The following FBXO22 variants were observed in gnomAD, a reference collection of about 807,000 sequenced individuals.
FBXO22 encodes the protein F-box only protein 22.
FBXO22 carries 13 observed loss-of-function variants against 37.2 expected under a neutral mutation model. That is an observed-to-expected ratio of 0.35 (90% CI 0.23 to 0.56). The LOEUF (loss-of-function observed/expected upper bound fraction) is 0.56, where lower values mean the gene tolerates loss of function less well. Ranked by LOEUF, FBXO22 falls within the 20% of genes least tolerant of loss-of-function variation. FBXO22 has a pLI of 0.87. For missense variants in FBXO22, 446 were observed against 509.9 expected (o/e 0.87, Z 1.21); for synonymous variants, 189 against 189.1 (o/e 1.00, Z 0.00).
intron 5 of FBXO22, among the ~76,000 whole-genome samples, chr15:75,919,889 G>A (rs1048200004): frequency 2.0e-5 from 3 of 152,186 alleles, no homozygotes; most frequent in Non-Finnish European, 2.9e-5. Context: ...ACTGTGCTGC[G>A]CAGCACTTCT....
intron 5 of FBXO22, among the ~76,000 whole-genome samples, chr15:75,921,703 G>C (rs1310871475): frequency 6.6e-6 from 1 of 151,946 alleles, no homozygotes. Context: ...ATTAACTTTA[G>C]CTAGACAAAA....
At chr15:75,920,857 T>C (rs928412650) in intron 5 of FBXO22, among the ~76,000 whole-genome samples, 4 of 152,102 alleles carry the variant, frequency 2.6e-5, no homozygotes, top group Non-Finnish European at 5.9e-5. Context: ...TTATTCAGCA[T>C]GTTAAAGGTG....
At chr15:75,915,784 C>T (rs1035658782) in intron 4 of FBXO22, among the ~76,000 whole-genome samples, 4 of 151,802 alleles carry the variant, frequency 2.6e-5, no homozygotes, top group African/African-American at 9.7e-5. Context: ...CCTGTAATCC[C>T]AGCTGCTCAG....
At chr15:75,921,641 AC>A (rs59291761) in intron 5 of FBXO22, among the ~76,000 whole-genome samples, 137,223 of 152,124 alleles carry the variant, frequency 0.9, 63,014 homozygotes, top group East Asian at 1. Flanking sequence ...AGCCTGGGCG[AC>A]AGCGAGACTC....
chr15:75,919,530 G>A (rs779321020), intron 5 of FBXO22, among the ~76,000 whole-genome samples: 10 of 152,150 alleles, frequency 6.6e-5, no homozygotes, highest in Non-Finnish European at 1.2e-4. Flanking sequence ...TCCAGTTAGG[G>A]CAAGTTTTTC....
In FBXO22 at chr15:75,935,854, C is replaced by T. The variant is rs2030287430; in HGVS notation, c.*2752C>T. 6.6e-6 allele frequency: 1 copy of T among 152,058 alleles called. No homozygotes were observed. The allele number at this position is 152,058 out of a possible 1,614,324, so 9.4% of individuals were successfully genotyped here. On this transcript the variant is annotated 3_prime_UTR_variant, in exon 7 of 7. Transcript: ENST00000308275. The stretch of plus-strand genomic sequence containing the variant: ...CCAGGCCGGATTGCAATGGCACAAT[C>T]TTGGCTCACTGCAAGCTCCGCCTCC...
At position 75,903,883 on chromosome 15, in the gene FBXO22, G is replaced by A. The variant is rs992141252; in HGVS notation, c.-81G>A. The stretch of plus-strand genomic sequence containing the variant: ...AGTGGCGCGGACGCCTGCTCAGTGC[G>A]CGCCGGCCGGGCAACCCTATGCTGG... On this transcript the variant is annotated 5_prime_UTR_variant, in exon 1 of 7. Coordinates refer to ENST00000308275, the MANE Select transcript of FBXO22 (RefSeq NM_147188.3). 2.2e-6 allele frequency: 3 copies of A among 1,391,926 alleles called. No individual in the cohort carries two copies. The highest frequency in any genetic ancestry group is 3.0e-5 in the African/African-American group (2 of 67,634). 86.2% of individuals were successfully genotyped at this position (1,391,926 alleles called of 1,614,324 possible).
At position 75,938,568 on chromosome 15, in the gene FBXO22, A is replaced by T. The variant is rs1393842908; in HGVS notation, c.*5466A>T. 1 of 152,242 alleles carries T rather than the reference A, an allele frequency of 6.6e-6. No individual in the cohort carries two copies. Among genetic ancestry groups the T allele is most frequent in the African/African-American group, 2.4e-5 (1 of 41,474 alleles). 9.4% of individuals were successfully genotyped at this position (152,242 alleles called of 1,614,324 possible). The stretch of plus-strand genomic sequence containing the variant: ...AGGAAAATGATAAATGAACAAAATC[A>T]GAATATCAACAGATAGGCATTATAA... On this transcript the variant is annotated 3_prime_UTR_variant, in exon 7 of 7. Coordinates refer to ENST00000308275, the MANE Select transcript of FBXO22 (RefSeq NM_147188.3).
At chr15:75,918,579 C>G (rs1396164963) in intron 5 of FBXO22, among the ~76,000 whole-genome samples, 1 of 152,130 alleles carries the variant, frequency 6.6e-6, no homozygotes, top group Non-Finnish European at 1.5e-5. Context: ...GCACTGTTCA[C>G]AATAGCTAGG....
intron 2 of FBXO22, among the ~76,000 whole-genome samples, chr15:75,909,313 T>C (rs1173580523): frequency 6.6e-6 from 1 of 152,164 alleles, no homozygotes; most frequent in Admixed American, 6.6e-5. Flanking sequence ...AAGGTGTCTC[T>C]AGAGGGAAAC....
At chr15:75,925,890 T>A (rs1900429469) in intron 5 of FBXO22, among the ~76,000 whole-genome samples, 1 of 152,058 alleles carries the variant, frequency 6.6e-6, no homozygotes, top group South Asian at 2.1e-4. Context: ...TTGCTAAATT[T>A]ACCTAACAAG....
intron 5 of FBXO22, among the ~76,000 whole-genome samples, chr15:75,921,524 A>G (rs924559767): frequency 2.0e-5 from 3 of 152,046 alleles, no homozygotes; most frequent in East Asian, 3.9e-4. Context: ...TTAGCTGGGC[A>G]TAGTGGTGTG....
Position 75,908,667 on chromosome 15 carries a change from C to A in FBXO22, c.279+4038C>A, listed in dbSNP as rs148094403. The stretch of plus-strand genomic sequence containing the variant: ...CAGGTAGCTGAAGAGGGTCAGGTAG[C>A]TCAATAGTCGTAGCACCATGGCAGT... On this transcript the variant is annotated intron_variant, in intron 2 of 6. Coordinates refer to ENST00000308275, the MANE Select transcript of FBXO22 (RefSeq NM_147188.3). Among the ~76,000 whole-genome samples the A allele has an allele frequency of 4.0e-3, 605 of 152,166 alleles. 9 individuals carry two copies. The highest frequency in any genetic ancestry group is 0.014 in the African/African-American group (572 of 41,440).
In FBXO22 at chr15:75,934,935, CAA is replaced by C. The variant is rs2030216822; in HGVS notation, c.*1835_*1836del. 2 of 152,166 alleles carry C rather than the reference CAA, an allele frequency of 1.3e-5. No homozygotes were observed. Among genetic ancestry groups the C allele is most frequent in the African/African-American group, 2.4e-5 (1 of 41,456 alleles). The allele number at this position is 152,166 out of a possible 1,614,324, so 9.4% of individuals were successfully genotyped here. ...TCATATAAAATGTTTTGCTGCTTCT[CAA>C]AGAGTCTGATACAGGGTAATTTCAT... On this transcript the variant is annotated 3_prime_UTR_variant, in exon 7 of 7. Coordinates refer to ENST00000308275, the MANE Select transcript of FBXO22 (RefSeq NM_147188.3).
chr15:75,930,171 C>A, intron 6 of FBXO22, 122 bp downstream of exon 6: 1 of 1,532,680 alleles, frequency 6.5e-7, no homozygotes, highest in South Asian at 1.3e-5. Context: ...TAGTTCATTC[C>A]ATTTTGTAGT....
At chr15:75,911,609 G>A (rs1322187803) in intron 2 of FBXO22, among the ~76,000 whole-genome samples, 1 of 152,118 alleles carries the variant, frequency 6.6e-6, no homozygotes, top group Non-Finnish European at 1.5e-5. Flanking sequence ...TCTGCACATT[G>A]ATTTTGTATC....
chr15:75,905,962 A>T (rs1225314012), intron 2 of FBXO22, among the ~76,000 whole-genome samples: 1 of 152,178 alleles, frequency 6.6e-6, no homozygotes, highest in African/African-American at 2.4e-5. Context: ...TTGTGAAGAG[A>T]TCATTTGAAA....
intron 2 of FBXO22, among the ~76,000 whole-genome samples, chr15:75,907,695 A>C (rs934229101): frequency 2.0e-5 from 3 of 152,212 alleles, no homozygotes; most frequent in Non-Finnish European, 4.4e-5. Flanking sequence ...CAGGAGTTAG[A>C]GAACAGCCTG....
intron 5 of FBXO22, 72 bp from the exon 6 acceptor site, chr15:75,929,812 C>G (rs2029946257): frequency 6.3e-7 from 1 of 1,579,684 alleles, no homozygotes; most frequent in Non-Finnish European, 8.7e-7. Flanking sequence ...AGTAACATTT[C>G]ATTTTGCAGC....
Sources: gnomAD v4.1 joint callset for allele counts (sites outside exome capture counted in the v4.1 genomes callset) on GRCh38, gnomAD v4.1.1 for gene constraint, MANE v1.5 for transcripts, NCBI Gene and HGNC (gene_info 2026-07-23, HGNC 2026-07-21) for gene names.